The following NRXN3 variants were observed in gnomAD, a reference collection of about 807,000 sequenced individuals.
NRXN3 encodes the protein neurexin III.
A neutral mutation model predicts 137.6 loss-of-function variants in NRXN3; 32 were observed. The ratio of observed to expected loss-of-function variants is 0.23; its 90% CI spans 0.18 to 0.31. The LOEUF is 0.31. NRXN3 is among the 10% of genes least tolerant of loss of function. The pLI is 1.00. For missense variants in NRXN3, 1,574 were observed against 2,062.5 expected, an observed-to-expected ratio of 0.76 and a Z score of 4.59; for synonymous variants, 798 against 784.5, an observed-to-expected ratio of 1.02 and a Z score of -0.29.
intron 19 of NRXN3, 52 bp downstream of exon 19, chr14:79,697,989 T>C: frequency 1.3e-6 from 2 of 1,495,396 alleles, no homozygotes; most frequent in African/African-American, 1.4e-5. Flanking sequence ...CTTTGCAACA[T>C]TGTTATCATG....
chr14:78,489,540 G>A (rs1266356651), intron 4 of NRXN3, among the ~76,000 whole-genome samples: 1 of 152,092 alleles, frequency 6.6e-6, no homozygotes, highest in Non-Finnish European at 1.5e-5. Context: ...CTGTCTTGAA[G>A]GCCTTTGCTT....
chr14:79,555,154 G>C lies in NRXN3; in HGVS notation c.3444+87752G>C, dbSNP rs1349601761. 2.0e-5 allele frequency among the ~76,000 whole-genome samples: 3 copies of C among 152,106 alleles called. No individual in the cohort carries two copies. The East Asian group carries it at 5.8e-4, about 29-fold the overall frequency. On this transcript the variant is annotated intron_variant, in intron 16 of 20. Coordinates refer to ENST00000335750, the MANE Select transcript of NRXN3 (RefSeq NM_001330195.2). ...TTCGCCAAGAGGTGAGGTCTGAGCT[G>C]GGCCTTGAGCATTGCTGAGATCTGA... is the stretch of plus-strand genomic sequence containing the variant.
intron 8 of NRXN3, among the ~76,000 whole-genome samples, chr14:78,764,885 A>AACCTCCCC (rs1300504225): frequency 6.6e-6 from 1 of 152,198 alleles, no homozygotes; most frequent in Non-Finnish European, 1.5e-5. Flanking sequence ...CAAATGTGCC[A>AACCTCCCC]ACCTCCCCAG....
intron 10 of NRXN3, among the ~76,000 whole-genome samples, chr14:78,894,554 T>C (rs1042572722): frequency 6.6e-6 from 1 of 152,030 alleles, no homozygotes; most frequent in African/African-American, 2.4e-5. Context: ...CCATGAAGAT[T>C]GGAATCTTTT....
chr14:79,860,461 G>C (rs935950691), intron 20 of NRXN3, among the ~76,000 whole-genome samples: 2 of 152,200 alleles, frequency 1.3e-5, no homozygotes, highest in African/African-American at 4.8e-5. Context: ...CTATTGCTCA[G>C]CTTATAGTAA....
chr14:79,684,694 T>G (rs75924992), intron 17 of NRXN3, among the ~76,000 whole-genome samples: 6,227 of 152,248 alleles, frequency 0.041, 172 homozygotes, highest in Middle Eastern at 0.078. Flanking sequence ...ACCACATATG[T>G]ATGTTTAAAT....
intron 16 of NRXN3, among the ~76,000 whole-genome samples, chr14:79,482,452 A>C (rs930987387): frequency 6.6e-6 from 1 of 152,186 alleles, no homozygotes; most frequent in Admixed American, 6.5e-5. Flanking sequence ...CTCTCTCGCT[A>C]TCTGGTTCTA....
intron 4 of NRXN3, among the ~76,000 whole-genome samples, chr14:78,634,101 C>T (rs908143565): frequency 1.3e-5 from 2 of 152,210 alleles, no homozygotes; most frequent in Non-Finnish European, 1.5e-5. Context: ...GTCACTTACT[C>T]CAGACTCCAG....
At chr14:79,039,990 C>T (rs1016441740) in intron 15 of NRXN3, among the ~76,000 whole-genome samples, 2 of 152,160 alleles carry the variant, frequency 1.3e-5, no homozygotes, top group African/African-American at 4.8e-5. Flanking sequence ...AGGCCTGAGC[C>T]ATCTTTTCAT....
chr14:79,712,099 A>G (rs1202222077), intron 19 of NRXN3, among the ~76,000 whole-genome samples: 2 of 152,252 alleles, frequency 1.3e-5, no homozygotes, highest in Non-Finnish European at 2.9e-5. Flanking sequence ...ACTTAAAATA[A>G]GAAAACAACA....
chr14:79,199,651 T>C (rs1482807754), intron 15 of NRXN3, among the ~76,000 whole-genome samples: 2 of 152,182 alleles, frequency 1.3e-5, no homozygotes. Context: ...GATAGAAATG[T>C]GGATGAGGAA....
At position 78,645,640 on chromosome 14, in the gene NRXN3, G is replaced by GA. The variant is rs59264204; in HGVS notation, c.1059+230dup. Among the ~76,000 whole-genome samples the GA allele has an allele frequency of 9.3e-3, 1,332 of 143,112 alleles. 11 individuals carry two copies. The highest frequency in any genetic ancestry group is 0.021 in the African/African-American group (831 of 38,998). 93.9% of individuals were successfully genotyped at this position (143,112 alleles called of 152,430 possible). On this transcript the variant is annotated intron_variant, in intron 5 of 20. Transcript: ENST00000335750. ...TTCTCTCTCTGTGCTTGTTATTTAAGAAAAAAAAAAACAACTCAGTTGTAT... is the reference window on the plus strand; with the variant it reads ...TTCTCTCTCTGTGCTTGTTATTTAAGAAAAAAAAAAAACAACTCAGTTGTAT...
At chr14:78,591,748 C>CT (rs1325587127) in intron 4 of NRXN3, among the ~76,000 whole-genome samples, 2 of 152,150 alleles carry the variant, frequency 1.3e-5, no homozygotes. Context: ...TACCCAGTGC[C>CT]TATAAGAGTA....
At chr14:79,728,790 G>T (rs2098908636) in intron 19 of NRXN3, among the ~76,000 whole-genome samples, 1 of 152,314 alleles carries the variant, frequency 6.6e-6, no homozygotes, top group African/African-American at 2.4e-5. Context: ...TACGGGGGAA[G>T]TAAGTTCTTC....
At chr14:79,394,804 C>T (rs1352451737) in intron 15 of NRXN3, among the ~76,000 whole-genome samples, 5 of 152,130 alleles carry the variant, frequency 3.3e-5, no homozygotes, top group Non-Finnish European at 4.4e-5. Flanking sequence ...AAAGTCTATA[C>T]ATTTGTATTA....
At chr14:78,411,132 G>T (rs941962891) in intron 4 of NRXN3, among the ~76,000 whole-genome samples, 1 of 152,120 alleles carries the variant, frequency 6.6e-6, no homozygotes, top group Non-Finnish European at 1.5e-5. Context: ...CCAACCATTT[G>T]GTCAACATTA....
At chr14:79,131,016 G>A (rs2152960075) in intron 15 of NRXN3, among the ~76,000 whole-genome samples, 1 of 152,280 alleles carries the variant, frequency 6.6e-6, no homozygotes, top group South Asian at 2.1e-4. Flanking sequence ...TCGAGCCTTG[G>A]CTTTCAGCTC....
At chr14:78,366,460 A>G (rs932979370) in intron 4 of NRXN3, among the ~76,000 whole-genome samples, 4 of 152,226 alleles carry the variant, frequency 2.6e-5, no homozygotes, top group Non-Finnish European at 5.9e-5. Context: ...AACTTATAGA[A>G]AAACATAAAA....
At chr14:79,615,971 TAGTA>T (rs1010231602) in intron 16 of NRXN3, among the ~76,000 whole-genome samples, 7 of 152,056 alleles carry the variant, frequency 4.6e-5, no homozygotes, top group South Asian at 4.2e-4. Flanking sequence ...AACTCACAGC[TAGTA>T]AGTAAGAGAG....
Sources: allele counts gnomAD v4.1 joint callset (sites outside exome capture counted in the v4.1 genomes callset), GRCh38; gene constraint gnomAD v4.1.1; transcripts MANE v1.5; gene names NCBI Gene and HGNC (gene_info 2026-07-23, HGNC 2026-07-21).